The following PCDHA3 variants were observed in gnomAD, a reference collection of about 807,000 sequenced individuals.
PCDHA3 encodes protocadherin alpha 3.
Under a neutral mutation model 62.2 loss-of-function variants are expected in PCDHA3, and 41 were observed. The ratio of observed to expected loss-of-function variants is 0.66; its 90% CI spans 0.51 to 0.86. PCDHA3 has a LOEUF of 0.86. Among genes scored for constraint, PCDHA3 ranks in the 40% least tolerant of loss-of-function variants. The pLI, the probability that PCDHA3 is intolerant of heterozygous loss-of-function variation, is 0.00. For missense variants in PCDHA3, 1,304 were observed against 1,241.2 expected, an observed-to-expected ratio of 1.05 and a Z score of -0.76; for synonymous variants, 640 against 555.4, an observed-to-expected ratio of 1.15 and a Z score of -2.14.
intron 1 of PCDHA3, chr5:140,828,635 G>GTGAAAATAAACAGTGA (rs2150157633): frequency 6.2e-7 from 1 of 1,614,212 alleles, no homozygotes; most frequent in Non-Finnish European, 8.5e-7. Flanking sequence ...CGGGCTAGAT[G>GTGAAAATAAACAGTGA]TGAAAATAAA....
At chr5:140,809,825 T>G (rs1764550804) in intron 1 of PCDHA3, 1 of 373,208 alleles carries the variant, frequency 2.7e-6, no homozygotes, top group Admixed American at 4.3e-5. Context: ...ATATTCACCC[T>G]CTTTGTTTTT....
chr5:140,931,409 A>G (rs1172534741), intron 1 of PCDHA3, among the ~76,000 whole-genome samples: 1 of 152,082 alleles, frequency 6.6e-6, no homozygotes, highest in African/African-American at 2.4e-5. Flanking sequence ...AGGAAGGCTG[A>G]TGAATCTAGA....
intron 1 of PCDHA3, among the ~76,000 whole-genome samples, chr5:140,938,510 A>G (rs2092097687): frequency 6.6e-6 from 1 of 151,662 alleles, no homozygotes; most frequent in Non-Finnish European, 1.5e-5. Context: ...TTTATCACAT[A>G]TTTTCTGTTA....
chr5:140,980,878 G>A (rs528577692), intron 2 of PCDHA3, among the ~76,000 whole-genome samples: 6 of 152,118 alleles, frequency 3.9e-5, no homozygotes, highest in East Asian at 1.9e-4. Context: ...GGGTGTTCTC[G>A]GTCTTTCCAG....
intron 1 of PCDHA3, among the ~76,000 whole-genome samples, chr5:140,893,162 G>A (rs2063851714): frequency 6.6e-6 from 1 of 152,202 alleles, no homozygotes; most frequent in Non-Finnish European, 1.5e-5. Flanking sequence ...GGATATTGAG[G>A]TTGATTCCAC....
chr5:140,809,801 A>G (rs1233967779), intron 1 of PCDHA3: 1 of 450,432 alleles, frequency 2.2e-6, no homozygotes. Flanking sequence ...TGTAATTTCT[A>G]GTAAATTTTC....
intron 1 of PCDHA3, among the ~76,000 whole-genome samples, chr5:140,879,282 A>T (rs1554170732): frequency 1.3e-5 from 2 of 152,238 alleles, no homozygotes; most frequent in Non-Finnish European, 2.9e-5. Context: ...ACTCAATACA[A>T]ATGATAAGAG....
intron 1 of PCDHA3, among the ~76,000 whole-genome samples, chr5:140,901,222 C>A (rs1336015424): frequency 6.6e-6 from 1 of 151,984 alleles, no homozygotes; most frequent in Admixed American, 6.6e-5. Context: ...TGATGTGATC[C>A]CATATATCCA....
intron 3 of PCDHA3, among the ~76,000 whole-genome samples, chr5:140,993,561 T>C (rs1282310511): frequency 6.6e-6 from 1 of 151,800 alleles, no homozygotes; most frequent in Non-Finnish European, 1.5e-5. Flanking sequence ...GTATATAGTA[T>C]CCTTTCTAGG....
chr5:140,809,450 A>C, intron 1 of PCDHA3: 1 of 1,614,192 alleles, frequency 6.2e-7, no homozygotes, highest in Non-Finnish European at 8.5e-7. Context: ...GCAGCAGAGG[A>C]GGCCGAGGGT....
intron 1 of PCDHA3, chr5:140,825,909 C>T (rs1316504738): frequency 6.6e-6 from 1 of 152,370 alleles, no homozygotes; most frequent in Non-Finnish European, 1.5e-5. Flanking sequence ...TTTGAGACTA[C>T]GCTAGACAGG....
intron 1 of PCDHA3, chr5:140,829,316 C>T (rs2150165789): frequency 2.5e-6 from 4 of 1,614,262 alleles, no homozygotes; most frequent in Admixed American, 3.3e-5. Flanking sequence ...CTCGTTGGTG[C>T]TGGACAGTGC....
intron 1 of PCDHA3, among the ~76,000 whole-genome samples, chr5:140,902,886 A>G (rs192404879): frequency 3.9e-5 from 6 of 152,276 alleles, no homozygotes; most frequent in Non-Finnish European, 7.4e-5. Flanking sequence ...TGCAAAAGCT[A>G]TTATTTTATT....
rs2150163807 is a variant in PCDHA3, at chr5:140,829,203, T to G, written c.2394+25612T>G. 22 of 1,614,238 alleles carry G rather than the reference T, an allele frequency of 1.4e-5. No homozygotes were observed. In the South Asian group the frequency reaches 1.5e-4, roughly 11 times the overall value. On this transcript the variant is annotated intron_variant, in intron 1 of 3. Coordinates refer to ENST00000522353, the MANE Select transcript of PCDHA3 (RefSeq NM_018906.3). ...GCTCAATTTGGTACTGTCATCGCCCTAATTAGCGTGAACGACCTCGATTCA... is the reference window on the plus strand; with the variant it reads ...GCTCAATTTGGTACTGTCATCGCCCGAATTAGCGTGAACGACCTCGATTCA...
chr5:140,976,770 C>T (rs2096730456), intron 1 of PCDHA3, among the ~76,000 whole-genome samples: 1 of 152,162 alleles, frequency 6.6e-6, no homozygotes, highest in Non-Finnish European at 1.5e-5. Flanking sequence ...GCCTGCTAGA[C>T]TCTGACTATA....
At chr5:140,971,732 T>C (rs1554233582) in intron 1 of PCDHA3, among the ~76,000 whole-genome samples, 2 of 151,638 alleles carry the variant, frequency 1.3e-5, no homozygotes, top group African/African-American at 4.8e-5. Flanking sequence ...ATCATACATA[T>C]ACACATACAT....
At chr5:140,948,543 T>C (rs1226242016) in intron 1 of PCDHA3, among the ~76,000 whole-genome samples, 2 of 151,702 alleles carry the variant, frequency 1.3e-5, no homozygotes, top group Non-Finnish European at 3.0e-5. Flanking sequence ...TTTCATGCTC[T>C]GTCAATTTTG....
At chr5:140,938,424 T>C (rs960926721) in intron 1 of PCDHA3, among the ~76,000 whole-genome samples, 1 of 152,204 alleles carries the variant, frequency 6.6e-6, no homozygotes, top group African/African-American at 2.4e-5. Flanking sequence ...TTTGCAAAAA[T>C]CCTTTATCAG....
chr5:140,868,090 T>C (rs2050270367), intron 1 of PCDHA3: 2 of 152,144 alleles, frequency 1.3e-5, no homozygotes, highest in Non-Finnish European at 2.9e-5. Flanking sequence ...TTTTATAAAA[T>C]GATAATAAAA....
Sources: gnomAD v4.1 joint callset for allele counts (sites outside exome capture counted in the v4.1 genomes callset) on GRCh38, gnomAD v4.1.1 for gene constraint, MANE v1.5 for transcripts, NCBI Gene and HGNC (gene_info 2026-07-23, HGNC 2026-07-21) for gene names.